The following NAALADL2 variants were observed in gnomAD, a reference collection of about 807,000 sequenced individuals.
NAALADL2 encodes the protein inactive N-acetylated-alpha-linked acidic dipeptidase-like protein 2.
Under a neutral mutation model 87.2 loss-of-function variants are expected in NAALADL2, and 76 were observed. The observed-to-expected ratio is 0.87, with a 90% CI of 0.72 to 1.05. The LOEUF (loss-of-function observed/expected upper bound fraction) is 1.05. Ranked by LOEUF, NAALADL2 falls within the 50% of genes least tolerant of loss-of-function variation. The pLI, the probability that NAALADL2 is intolerant of heterozygous loss-of-function variation, is 0.00. For synonymous variants in NAALADL2, 354 were observed against 331.0 expected (o/e 1.07, Z -0.75); for missense variants, 1,089 against 945.8 (o/e 1.15, Z -1.99).
intron 3 of NAALADL2, among the ~76,000 whole-genome samples, chr3:174,751,971 T>C (rs1159086975): frequency 1.3e-5 from 2 of 151,966 alleles, no homozygotes; most frequent in African/African-American, 2.4e-5. Context: ...TTCTTTTATT[T>C]TTTTCTTTTT....
intron 10 of NAALADL2, among the ~76,000 whole-genome samples, chr3:175,605,356 G>A (rs976485554): frequency 1.7e-5 from 2 of 118,406 alleles, no homozygotes; most frequent in Middle Eastern, 9.2e-3. Flanking sequence ...TCTAGATATG[G>A]ATGGGAAAGA....
chr3:175,039,668 A>C (rs932962239), intron 1 of NAALADL2, among the ~76,000 whole-genome samples: 8 of 152,280 alleles, frequency 5.3e-5, no homozygotes, highest in African/African-American at 1.9e-4. Flanking sequence ...TGCTAGTTTT[A>C]AACTTACTAG....
At chr3:175,741,716 T>A (rs1745262572) in intron 12 of NAALADL2, among the ~76,000 whole-genome samples, 1 of 152,086 alleles carries the variant, frequency 6.6e-6, no homozygotes, top group Admixed American at 6.5e-5. Context: ...TTTTCCAGCC[T>A]CCAGAGGGAG....
intron 2 of NAALADL2, among the ~76,000 whole-genome samples, chr3:175,173,360 G>C (rs1735177197): frequency 1.3e-5 from 2 of 151,634 alleles, no homozygotes; most frequent in Non-Finnish European, 2.9e-5. Context: ...AAGCAAGCCA[G>C]GCATGTTGGT....
intron 2 of NAALADL2, among the ~76,000 whole-genome samples, chr3:174,706,206 G>C (rs1011919369): frequency 6.6e-6 from 1 of 152,152 alleles, no homozygotes; most frequent in African/African-American, 2.4e-5. Context: ...AATAGGGAAA[G>C]AATAGCTTTT....
intron 11 of NAALADL2, among the ~76,000 whole-genome samples, chr3:175,716,332 ATG>A (rs1218376451): frequency 2.0e-5 from 3 of 147,070 alleles, no homozygotes; most frequent in Non-Finnish European, 4.5e-5. Flanking sequence ...ACAGATATAT[ATG>A]TGTATATAAT....
intron 11 of NAALADL2, among the ~76,000 whole-genome samples, chr3:175,725,554 C>A (rs116054796): frequency 7.7e-4 from 117 of 152,160 alleles, no homozygotes; most frequent in African/African-American, 2.5e-3. Context: ...CTTGATTATT[C>A]CTTAGAATCG....
intron 2 of NAALADL2, among the ~76,000 whole-genome samples, chr3:175,167,368 T>C (rs1734153126): frequency 6.6e-6 from 1 of 152,096 alleles, no homozygotes; most frequent in African/African-American, 2.4e-5. Context: ...GAATGACTTC[T>C]GACTACATAT....
chr3:174,510,827 C>G (rs930798817), intron 1 of NAALADL2, among the ~76,000 whole-genome samples: 8 of 151,664 alleles, frequency 5.3e-5, no homozygotes, highest in African/African-American at 1.7e-4. Flanking sequence ...CTTTTTCTAA[C>G]ATGAGCATTT....
chr3:174,494,738 T>G (rs1718412484), intron 1 of NAALADL2, among the ~76,000 whole-genome samples: 1 of 152,156 alleles, frequency 6.6e-6, no homozygotes, highest in South Asian at 2.1e-4. Flanking sequence ...TGAGATATAT[T>G]TAATTTGATT....
chr3:174,985,909 G>A (rs369995759), intron 1 of NAALADL2, among the ~76,000 whole-genome samples: 10 of 151,796 alleles, frequency 6.6e-5, no homozygotes, highest in African/African-American at 1.7e-4. Context: ...CTGAGATCAC[G>A]CCATTGCACT....
At chr3:175,352,776 T>C (rs1237032421) in intron 5 of NAALADL2, among the ~76,000 whole-genome samples, 1 of 152,094 alleles carries the variant, frequency 6.6e-6, no homozygotes, top group South Asian at 2.1e-4. Context: ...AAAATAATGT[T>C]TTATGTCAAA....
chr3:175,433,783 A>G (rs372496442), intron 5 of NAALADL2, among the ~76,000 whole-genome samples: 3 of 152,014 alleles, frequency 2.0e-5, no homozygotes, highest in African/African-American at 4.8e-5. Context: ...ACCAAATTAC[A>G]TTCACCACAT....
chr3:175,015,362 T>A (rs1211974244), intron 1 of NAALADL2, among the ~76,000 whole-genome samples: 1 of 152,092 alleles, frequency 6.6e-6, no homozygotes, highest in Non-Finnish European at 1.5e-5. Context: ...ACATTCAAGA[T>A]AAAAGTACTT....
At chr3:174,912,633 A>C (rs1004717644) in intron 1 of NAALADL2, among the ~76,000 whole-genome samples, 3 of 152,172 alleles carry the variant, frequency 2.0e-5, no homozygotes, top group Non-Finnish European at 2.9e-5. Flanking sequence ...TGATTAATTT[A>C]TGCAACTTAA....
At position 175,631,889 on chromosome 3, in the gene NAALADL2, A is replaced by C. The variant is rs183466967; in HGVS notation, c.1896+4503A>C. ...TTTATCTCCTAAATCGTTATTAGCT[A>C]TCTATGCATTCTGATAATCTACTAT... On this transcript the variant is annotated intron_variant, in intron 11 of 13. Coordinates refer to ENST00000454872, the MANE Select transcript of NAALADL2 (RefSeq NM_207015.3). Among the ~76,000 whole-genome samples the C allele has an allele frequency of 9.2e-5, 14 of 152,186 alleles. No homozygotes were observed. In the East Asian group the frequency reaches 2.7e-3, roughly 29 times the overall value.
intron 1 of NAALADL2, among the ~76,000 whole-genome samples, chr3:175,091,453 G>C (rs1267413829): frequency 2.0e-5 from 3 of 151,938 alleles, no homozygotes; most frequent in Non-Finnish European, 4.4e-5. Context: ...TCTGCCTTAC[G>C]TTTTAAAGCT....
chr3:174,849,495 G>A (rs1172383783), intron 3 of NAALADL2, among the ~76,000 whole-genome samples: 3 of 151,994 alleles, frequency 2.0e-5, no homozygotes, highest in Non-Finnish European at 1.5e-5. Context: ...CCAGCACTTT[G>A]GGGGGCCGAG....
chr3:175,064,467 G>T (rs56307291), intron 1 of NAALADL2, among the ~76,000 whole-genome samples: 3,387 of 152,194 alleles, frequency 0.022, 125 homozygotes, highest in African/African-American at 0.078. Flanking sequence ...GGCATCCAGG[G>T]CGCCTTAACT....
Sources: allele counts gnomAD v4.1 joint callset (sites outside exome capture counted in the v4.1 genomes callset), GRCh38; gene constraint gnomAD v4.1.1; transcripts MANE v1.5; gene names NCBI Gene and HGNC (gene_info 2026-07-23, HGNC 2026-07-21).